The following PHACTR4 variants were observed in gnomAD, a reference collection of about 807,000 sequenced individuals.
The protein encoded by PHACTR4 is protein phosphatase 1, regulatory subunit 124.
Under a neutral mutation model 72.7 loss-of-function variants are expected in PHACTR4, and 51 were observed. The observed-to-expected ratio is 0.70, with a 90% CI of 0.56 to 0.89. The LOEUF (loss-of-function observed/expected upper bound fraction) is 0.89. Among genes scored for constraint, PHACTR4 ranks in the 40% least tolerant of loss-of-function variants. PHACTR4 has a pLI of 0.00. For missense variants in PHACTR4, 731 were observed against 861.8 expected, an observed-to-expected ratio of 0.85 and a Z score of 1.90; for synonymous variants, 255 against 302.5, an observed-to-expected ratio of 0.84 and a Z score of 1.63.
rs1211088887 is a variant in PHACTR4 at position 28,429,938 on chromosome 1, A to AT, written c.16+22477dup. Among the ~76,000 whole-genome samples, 5 of 152,106 alleles carry AT rather than the reference A, an allele frequency of 3.3e-5. No homozygotes were observed. In the East Asian group the frequency reaches 9.6e-4, roughly 29 times the overall value. ...GTGTGTCCAGAAAACCATAGTTATG[A>AT]TTAGCTCTTTACCTCTCCTGTATTA... On this transcript the variant is annotated intron_variant, in intron 2 of 13. Transcript: ENST00000373839.
intron 2 of PHACTR4, among the ~76,000 whole-genome samples, chr1:28,431,340 A>G (rs1296341147): frequency 6.6e-5 from 10 of 150,540 alleles, no homozygotes; most frequent in African/African-American, 2.4e-4. Context: ...GACTACAGGC[A>G]CGTGCCACCA....
At chr1:28,390,605 C>T (rs1652933617) in intron 1 of PHACTR4, among the ~76,000 whole-genome samples, 1 of 151,970 alleles carries the variant, frequency 6.6e-6, no homozygotes, top group African/African-American at 2.4e-5. Flanking sequence ...GCCTGGCCAA[C>T]ATGGTGATAC....
chr1:28,456,828 A>G (rs903082535), intron 2 of PHACTR4, among the ~76,000 whole-genome samples: 3 of 149,088 alleles, frequency 2.0e-5, no homozygotes, highest in Non-Finnish European at 3.0e-5. Context: ...TTGAAGGCTC[A>G]GTGAGCTGTG....
chr1:28,479,428 A>T (rs1660128914), intron 8 of PHACTR4, among the ~76,000 whole-genome samples: 1 of 151,368 alleles, frequency 6.6e-6, no homozygotes, highest in Admixed American at 6.6e-5. Context: ...GCAAAAAAAA[A>T]AAAAAAAAGC....
At chr1:28,375,902 T>C (rs1651620567) in intron 1 of PHACTR4, among the ~76,000 whole-genome samples, 1 of 151,994 alleles carries the variant, frequency 6.6e-6, no homozygotes, top group Non-Finnish European at 1.5e-5. Flanking sequence ...AAACCCCGTC[T>C]CTACTAAAAA....
chr1:28,418,601 T>G (rs879310188), intron 2 of PHACTR4, among the ~76,000 whole-genome samples: 28 of 152,148 alleles, frequency 1.8e-4, no homozygotes, highest in Middle Eastern at 3.2e-3. Context: ...TTATTTTTTC[T>G]TATTACAAAA....
At chr1:28,457,954 C>T (rs1049740335) in intron 2 of PHACTR4, 5 of 745,264 alleles carry the variant, frequency 6.7e-6, no homozygotes, top group Admixed American at 6.3e-5. Flanking sequence ...TTCTTGGCCC[C>T]GCCTTGGCTC....
At chr1:28,490,488 C>T (rs1433833817) in intron 10 of PHACTR4, among the ~76,000 whole-genome samples, 6 of 147,392 alleles carry the variant, frequency 4.1e-5, no homozygotes, top group Non-Finnish European at 7.5e-5. Context: ...GCCGAGATTG[C>T]GCCACTGCAC....
chr1:28,387,733 T>TTA (rs71772749), intron 1 of PHACTR4, among the ~76,000 whole-genome samples: 1,594 of 61,264 alleles, frequency 0.026, 28 homozygotes, highest in African/African-American at 0.16. Context: ...CAAAAAACAA[T>TTA]TTTTTTTTTT....
At chr1:28,376,689 T>G (rs1651702417) in intron 1 of PHACTR4, among the ~76,000 whole-genome samples, 1 of 151,314 alleles carries the variant, frequency 6.6e-6, no homozygotes, top group African/African-American at 2.4e-5. Context: ...CAGGCTGGAG[T>G]GCAGTGGTGC....
chr1:28,489,254 A>G (rs773185169), intron 10 of PHACTR4, 29 bp downstream of exon 10: 6 of 1,578,824 alleles, frequency 3.8e-6, no homozygotes, highest in Admixed American at 1.7e-5. Context: ...ATAAAGTTGT[A>G]TAGATTTTCT....
chr1:28,392,190 C>G (rs6694681), intron 1 of PHACTR4, among the ~76,000 whole-genome samples: 4,919 of 152,140 alleles, frequency 0.032, 301 homozygotes, highest in African/African-American at 0.11. Context: ...GATGAAATCT[C>G]TCTTGCCGTC....
At chr1:28,437,033 A>G (rs1656679603) in intron 2 of PHACTR4, among the ~76,000 whole-genome samples, 1 of 152,210 alleles carries the variant, frequency 6.6e-6, no homozygotes, top group Non-Finnish European at 1.5e-5. Flanking sequence ...CAGAAAAGGT[A>G]TATTCAATCC....
At chr1:28,457,707 A>G (rs1469537289) in intron 2 of PHACTR4, 2 of 442,420 alleles carry the variant, frequency 4.5e-6, no homozygotes, top group Non-Finnish European at 6.0e-6. Context: ...TTCAGATGTG[A>G]AATTGTTTAC....
chr1:28,419,472 GTA>G lies in PHACTR4; in HGVS notation c.16+12011_16+12012del, dbSNP rs1655364087. Among the ~76,000 whole-genome samples the G allele has an allele frequency of 3.3e-5, 5 of 151,870 alleles. No individual in the cohort carries two copies. In the South Asian group the frequency reaches 1.0e-3, roughly 32 times the overall value. On this transcript the variant is annotated intron_variant, in intron 2 of 13. Transcript: ENST00000373839. Reference sequence around the variant, plus strand: ...AAAAAACATATATAAAGTGATACATGTATGTGTGTGTGTATATATACACACAC... The same window carrying G: ...AAAAAACATATATAAAGTGATACATGTGTGTGTGTGTATATATACACACAC...
intron 13 of PHACTR4, among the ~76,000 whole-genome samples, chr1:28,496,015 G>T (rs1327980725): frequency 6.7e-6 from 1 of 150,154 alleles, no homozygotes; most frequent in Non-Finnish European, 1.5e-5. Flanking sequence ...GAAAATTATG[G>T]AAAAGATAGT....
intron 9 of PHACTR4, among the ~76,000 whole-genome samples, chr1:28,484,575 G>A (rs28867798): frequency 0.14 from 21,754 of 151,006 alleles, 1,904 homozygotes; most frequent in Non-Finnish European, 0.2. Context: ...ATGTGTGTAT[G>A]TAATATATAT....
chr1:28,444,470 C>T lies in PHACTR4; in HGVS notation c.17-14615C>T, dbSNP rs138727481. 8.9e-3 allele frequency among the ~76,000 whole-genome samples: 1,342 copies of T among 151,482 alleles called. 18 individuals are homozygous for T. The highest frequency in any genetic ancestry group is 0.031 in the African/African-American group (1,283 of 41,354). ...GTCTTGATCTCCTGACCTTGTGATCCGCCCACTTCAGCCTCCCAAAGTACT... is the reference window on the plus strand; with the variant it reads ...GTCTTGATCTCCTGACCTTGTGATCTGCCCACTTCAGCCTCCCAAAGTACT... On this transcript the variant is annotated intron_variant, in intron 2 of 13. Coordinates refer to ENST00000373839, the MANE Select transcript of PHACTR4 (RefSeq NM_001048183.3).
At chr1:28,390,869 C>T (rs1442042944) in intron 1 of PHACTR4, among the ~76,000 whole-genome samples, 3 of 151,140 alleles carry the variant, frequency 2.0e-5, no homozygotes, top group African/African-American at 2.4e-5. Flanking sequence ...TGGAGGCAGG[C>T]GGATTGCTTG....
Sources: gnomAD v4.1 joint callset for allele counts (sites outside exome capture counted in the v4.1 genomes callset) on GRCh38, gnomAD v4.1.1 for gene constraint, MANE v1.5 for transcripts, NCBI Gene and HGNC (gene_info 2026-07-23, HGNC 2026-07-21) for gene names.